Variants in STXBP5L observed in about 807,000 individuals in gnomAD.
STXBP5L encodes syntaxin binding protein 5L.
A neutral mutation model predicts 144.5 loss-of-function variants in STXBP5L; 65 were observed. The observed-to-expected ratio is 0.45, with a 90% confidence interval of 0.37 to 0.55. The LOEUF (loss-of-function observed/expected upper bound fraction) is 0.55. Among genes scored for constraint, STXBP5L ranks in the 20% least tolerant of loss-of-function variants. The pLI is 0.00. For missense variants in STXBP5L, 1,298 were observed against 1,405.5 expected (o/e 0.92, Z 1.22); for synonymous variants, 505 against 469.6 (o/e 1.08, Z -0.97).
At chr3:120,919,967 T>C (rs1311054386) in intron 2 of STXBP5L, among the ~76,000 whole-genome samples, 1 of 151,812 alleles carries the variant, frequency 6.6e-6, no homozygotes, top group African/African-American at 2.4e-5. Context: ...AATTATTTTA[T>C]AATGTATTTG....
intron 3 of STXBP5L, among the ~76,000 whole-genome samples, chr3:120,973,547 A>G (rs181432023): frequency 6.6e-6 from 1 of 151,616 alleles, no homozygotes; most frequent in East Asian, 1.9e-4. Context: ...TTGATTCTTT[A>G]TATTTTTTTA....
intron 20 of STXBP5L, among the ~76,000 whole-genome samples, chr3:121,359,932 A>T (rs2045653424): frequency 7.1e-6 from 1 of 141,510 alleles, no homozygotes; most frequent in East Asian, 2.1e-4. Flanking sequence ...TTTGCTTAGG[A>T]TATCTTTGAC....
intron 19 of STXBP5L, among the ~76,000 whole-genome samples, chr3:121,308,324 A>G (rs1233135040): frequency 2.0e-5 from 3 of 152,234 alleles, no homozygotes; most frequent in Non-Finnish European, 2.9e-5. Flanking sequence ...TGTAGGTGAA[A>G]TAGACATTGT....
chr3:121,400,650 C>T (rs2046849635), intron 22 of STXBP5L, among the ~76,000 whole-genome samples: 1 of 152,136 alleles, frequency 6.6e-6, no homozygotes, highest in African/African-American at 2.4e-5. Context: ...TGAAAGTCTG[C>T]AGTCATCTTG....
In STXBP5L at chr3:121,372,580, G is replaced by T. The variant is rs554268620; in HGVS notation, c.2177-6136G>T. On this transcript the variant is annotated intron_variant, in intron 20 of 26. Coordinates refer to ENST00000471454, the MANE Select transcript of STXBP5L (RefSeq NM_001308330.2). ...TGCTCAACTCACCCCTTTTGCAGGAGTCATTGGGGTCAGGGAACAAGTCGT... is the reference window on the plus strand; with the variant it reads ...TGCTCAACTCACCCCTTTTGCAGGATTCATTGGGGTCAGGGAACAAGTCGT... Among the ~76,000 whole-genome samples, 5 of 152,284 alleles carry T rather than the reference G, an allele frequency of 3.3e-5. No individual in the cohort carries two copies. The East Asian group carries it at 9.7e-4, about 29-fold the overall frequency.
At chr3:121,398,349 C>T (rs2046785355) in intron 22 of STXBP5L, among the ~76,000 whole-genome samples, 1 of 152,212 alleles carries the variant, frequency 6.6e-6, no homozygotes, top group Non-Finnish European at 1.5e-5. Flanking sequence ...TTTTGTGCAG[C>T]ATAAATCTAC....
At chr3:121,329,852 C>G in intron 20 of STXBP5L, among the ~76,000 whole-genome samples, 1 of 152,062 alleles carries the variant, frequency 6.6e-6, no homozygotes, top group Admixed American at 6.5e-5. Flanking sequence ...ACAGCAAGAC[C>G]CTGTTCCCCC....
At chr3:121,181,825 A>G (rs1337905081) in intron 9 of STXBP5L, among the ~76,000 whole-genome samples, 2 of 152,176 alleles carry the variant, frequency 1.3e-5, no homozygotes, top group African/African-American at 4.8e-5. Context: ...CTAACACATA[A>G]GGACTCACAT....
intron 5 of STXBP5L, among the ~76,000 whole-genome samples, chr3:121,087,760 C>T (rs1014680139): frequency 6.6e-6 from 1 of 151,664 alleles, no homozygotes; most frequent in African/African-American, 2.4e-5. Context: ...CCTTGCCTTT[C>T]TGTGGTTTAA....
At chr3:121,058,842 G>T (rs903507252) in intron 5 of STXBP5L, among the ~76,000 whole-genome samples, 3 of 152,026 alleles carry the variant, frequency 2.0e-5, no homozygotes, top group African/African-American at 7.2e-5. Flanking sequence ...TTGTAAATTT[G>T]TTTAAGTTCT....
chr3:121,344,028 A>G (rs1011985652), intron 20 of STXBP5L, among the ~76,000 whole-genome samples: 1 of 152,136 alleles, frequency 6.6e-6, no homozygotes, highest in Non-Finnish European at 1.5e-5. Context: ...CCAAAACAGC[A>G]TGGTACTGGT....
intron 5 of STXBP5L, among the ~76,000 whole-genome samples, chr3:121,078,342 G>C (rs1232148383): frequency 6.6e-6 from 1 of 152,080 alleles, no homozygotes; most frequent in African/African-American, 2.4e-5. Flanking sequence ...CTAGACACAG[G>C]GTGCTGATTG....
chr3:121,175,792 A>G (rs1224422632), intron 9 of STXBP5L, among the ~76,000 whole-genome samples: 1 of 152,074 alleles, frequency 6.6e-6, no homozygotes, highest in Non-Finnish European at 1.5e-5. Flanking sequence ...GAAAAAAGCA[A>G]GACTCAACTA....
intron 5 of STXBP5L, among the ~76,000 whole-genome samples, chr3:121,046,682 A>G (rs1947537665): frequency 6.6e-6 from 1 of 151,734 alleles, no homozygotes; most frequent in African/African-American, 2.4e-5. Context: ...GGTTTTTTAT[A>G]TTTCTGTGGG....
chr3:121,100,984 G>A (rs1014046009), intron 5 of STXBP5L, among the ~76,000 whole-genome samples: 5 of 151,456 alleles, frequency 3.3e-5, no homozygotes, highest in African/African-American at 7.3e-5. Context: ...CACAAACTAC[G>A]TTATCTAGAG....
chr3:121,214,629 T>G (rs2048706561), intron 10 of STXBP5L, among the ~76,000 whole-genome samples: 1 of 152,194 alleles, frequency 6.6e-6, no homozygotes, highest in Non-Finnish European at 1.5e-5. Context: ...TCCAATTATG[T>G]CATCAATTTT....
chr3:121,129,528 C>T (rs2044874020), intron 7 of STXBP5L, among the ~76,000 whole-genome samples: 1 of 151,760 alleles, frequency 6.6e-6, no homozygotes, highest in Non-Finnish European at 1.5e-5. Context: ...GTGTATAGAT[C>T]AACACAACCT....
At chr3:120,942,750 TGCTGAATTA>T (rs1429855436) in intron 2 of STXBP5L, among the ~76,000 whole-genome samples, 14 of 151,678 alleles carry the variant, frequency 9.2e-5, no homozygotes, top group Non-Finnish European at 1.8e-4. Context: ...TTTATTGTCT[TGCTGAATTA>T]GCTTGAATTT....
At chr3:121,017,666 C>T (rs995470218) in intron 3 of STXBP5L, among the ~76,000 whole-genome samples, 11 of 152,254 alleles carry the variant, frequency 7.2e-5, no homozygotes, top group African/African-American at 2.4e-4. Flanking sequence ...AACACAGTAC[C>T]ATTTACATTG....
Sources: allele counts gnomAD v4.1 joint callset (sites outside exome capture counted in the v4.1 genomes callset), GRCh38; gene constraint gnomAD v4.1.1; transcripts MANE v1.5; gene names NCBI Gene and HGNC (gene_info 2026-07-23, HGNC 2026-07-21).